The following MARCHF4 variants were observed in gnomAD, a reference collection of about 807,000 sequenced individuals.
MARCHF4 encodes E3 ubiquitin-protein ligase MARCHF4.
A neutral mutation model predicts 43.9 loss-of-function variants in MARCHF4; 14 were observed. The observed-to-expected ratio is 0.32, with a 90% CI of 0.21 to 0.50. MARCHF4 has a LOEUF of 0.50. MARCHF4 is among the 20% of genes least tolerant of loss of function. MARCHF4 has a pLI of 0.98. For synonymous variants in MARCHF4, 226 were observed against 213.3 expected, an observed-to-expected ratio of 1.06 and a Z score of -0.52; for missense variants, 468 against 536.7, an observed-to-expected ratio of 0.87 and a Z score of 1.27.
intron 1 of MARCHF4, among the ~76,000 whole-genome samples, chr2:216,347,127 G>A (rs937152951): frequency 1.3e-5 from 2 of 152,164 alleles, no homozygotes; most frequent in African/African-American, 4.8e-5. Context: ...GGAACCATGA[G>A]CCAACTAAAC....
intron 1 of MARCHF4, among the ~76,000 whole-genome samples, chr2:216,349,655 CA>C (rs774614284): frequency 9.9e-5 from 15 of 152,184 alleles, no homozygotes; most frequent in Non-Finnish European, 2.2e-4. Flanking sequence ...AAAGAGGCCT[CA>C]GGGGGGAAGA....
At chr2:216,337,715 G>A (rs913782134) in intron 1 of MARCHF4, among the ~76,000 whole-genome samples, 2 of 152,080 alleles carry the variant, frequency 1.3e-5, no homozygotes, top group African/African-American at 4.8e-5. Context: ...CTCTTTCGTG[G>A]TCTTTCCCTT....
At chr2:216,332,194 C>T (rs1022282558) in intron 1 of MARCHF4, among the ~76,000 whole-genome samples, 1 of 152,048 alleles carries the variant, frequency 6.6e-6, no homozygotes, top group Non-Finnish European at 1.5e-5. Flanking sequence ...AATTTGAGAT[C>T]AGCCTGGGCA....
At chr2:216,281,504 G>A (rs1691127575) in intron 2 of MARCHF4, among the ~76,000 whole-genome samples, 1 of 152,228 alleles carries the variant, frequency 6.6e-6, no homozygotes, top group South Asian at 2.1e-4. Context: ...GGGCCTGCCA[G>A]CTCCATCCTA....
chr2:216,272,694 T>A (rs541914445), intron 3 of MARCHF4, among the ~76,000 whole-genome samples: 60 of 152,328 alleles, frequency 3.9e-4, no homozygotes, highest in Non-Finnish European at 7.6e-4. Context: ...TCGGTTTCTC[T>A]CTGTTCTTGC....
intron 1 of MARCHF4, among the ~76,000 whole-genome samples, chr2:216,296,464 T>C (rs1041213519): frequency 2.6e-5 from 4 of 152,246 alleles, no homozygotes; most frequent in African/African-American, 7.2e-5. Context: ...TGTGTGTTTC[T>C]ACCTCCTGTG....
chr2:216,320,605 C>CTTTT (rs72375205), intron 1 of MARCHF4, among the ~76,000 whole-genome samples: 1 of 138,434 alleles, frequency 7.2e-6, no homozygotes, highest in African/African-American at 2.7e-5. Context: ...GCTATAGCCT[C>CTTTT]TTTTTCTTTC....
intron 3 of MARCHF4, among the ~76,000 whole-genome samples, chr2:216,264,581 T>A (rs1690814251): frequency 6.6e-6 from 1 of 152,190 alleles, no homozygotes; most frequent in Admixed American, 6.5e-5. Flanking sequence ...GTCTGGTTAA[T>A]CTCCGGCAGC....
chr2:216,286,520 T>TAAAA (rs10565877), intron 1 of MARCHF4, among the ~76,000 whole-genome samples: 2 of 143,498 alleles, frequency 1.4e-5, no homozygotes, highest in Non-Finnish European at 1.5e-5. Context: ...CAACTCCATC[T>TAAAA]AAAAAAAAAA....
intron 3 of MARCHF4, among the ~76,000 whole-genome samples, chr2:216,271,012 C>T (rs764221965): frequency 2.0e-5 from 3 of 152,224 alleles, no homozygotes; most frequent in Non-Finnish European, 2.9e-5. Context: ...TTAAAATGCA[C>T]ATCTGTTCAT....
At chr2:216,362,964 A>G (rs1692609331) in intron 1 of MARCHF4, among the ~76,000 whole-genome samples, 1 of 152,046 alleles carries the variant, frequency 6.6e-6, no homozygotes, top group Non-Finnish European at 1.5e-5. Context: ...CCAGCAAACA[A>G]GCAGCAGCTC....
chr2:216,274,668 A>G (rs1349478272), intron 3 of MARCHF4, among the ~76,000 whole-genome samples: 1 of 152,136 alleles, frequency 6.6e-6, no homozygotes. Context: ...ACTCTCTTGC[A>G]AGATCACATA....
chr2:216,341,804 G>C (rs1045179735), intron 1 of MARCHF4, among the ~76,000 whole-genome samples: 1 of 152,214 alleles, frequency 6.6e-6, no homozygotes, highest in African/African-American at 2.4e-5. Flanking sequence ...TTTAGGTGCT[G>C]AATCCTAATT....
chr2:216,368,478 C>T (rs1692700371), intron 1 of MARCHF4, among the ~76,000 whole-genome samples: 1 of 152,192 alleles, frequency 6.6e-6, no homozygotes, highest in African/African-American at 2.4e-5. Flanking sequence ...ATCACTTCCC[C>T]TCATAATTCC....
At chr2:216,336,989 T>C (rs1273050194) in intron 1 of MARCHF4, among the ~76,000 whole-genome samples, 1 of 151,708 alleles carries the variant, frequency 6.6e-6, no homozygotes, top group African/African-American at 2.4e-5. Flanking sequence ...CCGTCTCTAC[T>C]AAAAATACAA....
chr2:216,350,024 A>G (rs1692375943), intron 1 of MARCHF4, among the ~76,000 whole-genome samples: 1 of 152,052 alleles, frequency 6.6e-6, no homozygotes, highest in African/African-American at 2.4e-5. Flanking sequence ...ACACTCATCA[A>G]GTGGATTTCT....
Position 216,259,066 on chromosome 2 carries a change from A to C in MARCHF4, c.*246T>G. On this transcript the variant is annotated 3_prime_UTR_variant, in exon 4 of 4. Coordinates refer to ENST00000273067, the MANE Select transcript of MARCHF4 (RefSeq NM_020814.3). ...TTCTGTTGGGCCAGGTTCAGCCTGT[A>C]TTGCACTTTGTTGTTGAGTTGGTGT... 2.7e-6 allele frequency: 1 copy of C among 374,104 alleles called. No homozygotes were observed. The highest frequency in any genetic ancestry group is 4.2e-5 in the East Asian group (1 of 23,858). The allele number at this position is 374,104 out of a possible 1,614,324, so 23.2% of individuals were successfully genotyped here. A position where few individuals can be genotyped will look rare whatever the true frequency, so the allele number is the denominator to read the frequency against.
intron 1 of MARCHF4, among the ~76,000 whole-genome samples, chr2:216,364,323 T>A (rs1692632506): frequency 6.6e-6 from 1 of 152,050 alleles, no homozygotes. Context: ...TGCCAGGTAC[T>A]GGGTTGAGAG....
chr2:216,268,145 T>A (rs1690874147), intron 3 of MARCHF4, among the ~76,000 whole-genome samples: 1 of 152,180 alleles, frequency 6.6e-6, no homozygotes, highest in Admixed American at 6.5e-5. Flanking sequence ...GTCACAAGTG[T>A]CAGCCTTTGC....
Sources: allele counts gnomAD v4.1 joint callset (sites outside exome capture counted in the v4.1 genomes callset), GRCh38; gene constraint gnomAD v4.1.1; transcripts MANE v1.5; gene names NCBI Gene and HGNC (gene_info 2026-07-23, HGNC 2026-07-21).